The following PITPNC1 variants were observed in gnomAD, a reference collection of about 807,000 sequenced individuals.
PITPNC1 encodes the protein cytoplasmic phosphatidylinositol transfer protein 1.
In PITPNC1, 18 loss-of-function variants were observed where a neutral mutation model predicts 44.7. The ratio of observed to expected loss-of-function variants is 0.40; its 90% CI spans 0.28 to 0.60. The LOEUF (loss-of-function observed/expected upper bound fraction) is 0.60, where lower values mean the gene tolerates loss of function less well. PITPNC1 is among the 20% of genes least tolerant of loss of function. PITPNC1 has a pLI of 0.39. For missense variants in PITPNC1, 290 were observed against 418.4 expected (o/e 0.69, Z 2.68); for synonymous variants, 141 against 149.6 (o/e 0.94, Z 0.42).
At chr17:67,583,210 A>G (rs1323717878) in intron 5 of PITPNC1, among the ~76,000 whole-genome samples, 6 of 152,156 alleles carry the variant, frequency 3.9e-5, no homozygotes, top group South Asian at 2.1e-4. Context: ...GCTGAACCTG[A>G]TATGTTCCCT....
intron 1 of PITPNC1, among the ~76,000 whole-genome samples, chr17:67,453,221 G>C (rs1439385552): frequency 6.6e-6 from 1 of 152,194 alleles, no homozygotes; most frequent in Non-Finnish European, 1.5e-5. Flanking sequence ...ACAGAAAACA[G>C]TGGTGAATCA....
chr17:67,409,115 T>C (rs1414225207), intron 1 of PITPNC1, among the ~76,000 whole-genome samples: 4 of 140,704 alleles, frequency 2.8e-5, no homozygotes, highest in Non-Finnish European at 4.6e-5. Flanking sequence ...TCTCGCTCTG[T>C]CGCCCAGGCC....
At chr17:67,449,134 A>G (rs913366691) in intron 1 of PITPNC1, among the ~76,000 whole-genome samples, 1 of 152,286 alleles carries the variant, frequency 6.6e-6, no homozygotes, top group South Asian at 2.1e-4. Flanking sequence ...TTATTTTCTT[A>G]TTCTTTTTCC....
chr17:67,655,429 A>G (rs140982969), intron 6 of PITPNC1, among the ~76,000 whole-genome samples: 2,191 of 151,982 alleles, frequency 0.014, 25 homozygotes, highest in Middle Eastern at 0.065. Flanking sequence ...GCGTGGTGGC[A>G]GGCGCCTGTG....
chr17:67,586,898 C>G (rs1024482970), intron 5 of PITPNC1, among the ~76,000 whole-genome samples: 1 of 152,116 alleles, frequency 6.6e-6, no homozygotes, highest in African/African-American at 2.4e-5. Context: ...TGATCCAGAC[C>G]AAGATGGTGG....
intron 1 of PITPNC1, among the ~76,000 whole-genome samples, chr17:67,417,290 G>T (rs1053164453): frequency 1.3e-5 from 2 of 151,838 alleles, no homozygotes; most frequent in African/African-American, 4.8e-5. Context: ...ACCATGCTTG[G>T]CTAATTTTTT....
intron 8 of PITPNC1, among the ~76,000 whole-genome samples, chr17:67,683,994 G>T (rs969018776): frequency 1.4e-5 from 2 of 142,138 alleles, no homozygotes; most frequent in East Asian, 4.1e-4. Flanking sequence ...AAAAAAAAAA[G>T]AAAAGAAAAG....
At chr17:67,647,613 G>A (rs2042167441) in intron 6 of PITPNC1, among the ~76,000 whole-genome samples, 1 of 150,344 alleles carries the variant, frequency 6.7e-6, no homozygotes, top group African/African-American at 2.5e-5. Flanking sequence ...ACCCAGCCCA[G>A]GAAGCTATTT....
intron 5 of PITPNC1, among the ~76,000 whole-genome samples, chr17:67,600,100 C>G (rs2041521002): frequency 6.6e-6 from 1 of 152,054 alleles, no homozygotes; most frequent in South Asian, 2.1e-4. Flanking sequence ...GGTAGGCCTC[C>G]CCACCCTCTT....
chr17:67,424,856 T>C (rs2038723071), intron 1 of PITPNC1, among the ~76,000 whole-genome samples: 1 of 151,978 alleles, frequency 6.6e-6, no homozygotes, highest in Non-Finnish European at 1.5e-5. Context: ...GACCTTCGTG[T>C]ATACATCCAG....
intron 2 of PITPNC1, among the ~76,000 whole-genome samples, 169 bp from the exon 3 acceptor site, chr17:67,552,088 G>A (rs550210588): frequency 2.1e-4 from 32 of 152,336 alleles, no homozygotes; most frequent in Admixed American, 1.3e-3. Flanking sequence ...ATATGCACGG[G>A]AAAAAGTTAA....
chr17:67,490,655 A>G (rs2039852511), intron 1 of PITPNC1, among the ~76,000 whole-genome samples: 1 of 152,156 alleles, frequency 6.6e-6, no homozygotes, highest in African/African-American at 2.4e-5. Flanking sequence ...TGATCAGTAA[A>G]TAAAAGGATA....
chr17:67,688,782 A>C (rs2144470114), intron 8 of PITPNC1, among the ~76,000 whole-genome samples: 2 of 152,356 alleles, frequency 1.3e-5, no homozygotes, highest in South Asian at 4.1e-4. Flanking sequence ...AGGCAAACAA[A>C]GGAAGAAGCC....
chr17:67,494,663 C>G (rs2039919016), intron 1 of PITPNC1, among the ~76,000 whole-genome samples: 1 of 152,074 alleles, frequency 6.6e-6, no homozygotes, highest in East Asian at 1.9e-4. Flanking sequence ...CAGGGTGCTG[C>G]CATTGACTTG....
chr17:67,382,698 C>T (rs1332849028), intron 1 of PITPNC1, among the ~76,000 whole-genome samples: 1 of 152,064 alleles, frequency 6.6e-6, no homozygotes, highest in African/African-American at 2.4e-5. Flanking sequence ...GATTTCGGCT[C>T]ACTGCGACCT....
At chr17:67,500,141 A>G (rs2040006801) in intron 1 of PITPNC1, among the ~76,000 whole-genome samples, 1 of 152,080 alleles carries the variant, frequency 6.6e-6, no homozygotes, top group South Asian at 2.1e-4. Context: ...TCTCTTAGCT[A>G]CCTCTAGTTA....
chr17:67,688,168 G>A (rs1449587730), intron 8 of PITPNC1, among the ~76,000 whole-genome samples: 6 of 151,050 alleles, frequency 4.0e-5, no homozygotes, highest in African/African-American at 1.5e-4. Flanking sequence ...GAGAAACCTC[G>A]TCTCTACTTA....
At chr17:67,447,546 T>C (rs996896870) in intron 1 of PITPNC1, among the ~76,000 whole-genome samples, 11 of 151,748 alleles carry the variant, frequency 7.2e-5, no homozygotes, top group African/African-American at 2.7e-4. Flanking sequence ...AAAATTTTTT[T>C]GTAGAGGCAG....
At chr17:67,451,898 A>G (rs960740134) in intron 1 of PITPNC1, among the ~76,000 whole-genome samples, 1 of 151,866 alleles carries the variant, frequency 6.6e-6, no homozygotes, top group Non-Finnish European at 1.5e-5. Context: ...GGCCTCCCAA[A>G]GTGCTGGGAT....
Sources: allele counts gnomAD v4.1 joint callset (sites outside exome capture counted in the v4.1 genomes callset), GRCh38; gene constraint gnomAD v4.1.1; transcripts MANE v1.5; gene names NCBI Gene and HGNC (gene_info 2026-07-23, HGNC 2026-07-21).